SMIM27: variants seen among roughly 807,000 people sequenced by gnomAD.
SMIM27 encodes the protein transition zone microprotein 1.
Under a neutral mutation model 1.8 loss-of-function variants are expected in SMIM27, and 3 were observed. That is an observed-to-expected ratio of 1.65 (90% CI 0.75 to 4.28). The LOEUF (loss-of-function observed/expected upper bound fraction) is 4.28, where lower values mean the gene tolerates loss of function less well. Among genes scored for constraint, SMIM27 ranks in the 30% most tolerant of loss-of-function variants. SMIM27 has a pLI of 0.02. For synonymous variants in SMIM27, 19 were observed against 13.9 expected, an observed-to-expected ratio of 1.37 and a Z score of -0.82; for missense variants, 63 against 37.0, an observed-to-expected ratio of 1.70 and a Z score of -1.83.
At chr9:32,566,130 G>T in intron 1 of SMIM27, 1 of 599,850 alleles carries the variant, frequency 1.7e-6, no homozygotes, top group East Asian at 2.6e-5. Flanking sequence ...ACAAAGACGA[G>T]AATATGGTGT....
chr9:32,555,923 C>A (rs573504543), downstream of SMIM27, among the ~76,000 whole-genome samples: 37 of 152,334 alleles, frequency 2.4e-4, no homozygotes, highest in African/African-American at 7.9e-4. Context: ...TTGCCAAGAA[C>A]CAGTGACTAC....
rs549018220 is a variant in SMIM27, at chr9:32,563,421, T to C, written c.46-2970T>C. On this transcript the variant is annotated intron_variant, in intron 1 of 1. Transcript: ENST00000451672. ...CAGTGGGCAGCACAATCATAGCTCA[T>C]TGCAGGCTCCACATCCTGGGCTCAA... 9.9e-5 allele frequency among the ~76,000 whole-genome samples: 15 copies of C among 151,320 alleles called. No individual in the cohort carries two copies. In the South Asian group the frequency reaches 2.5e-3, roughly 25 times the overall value.
chr9:32,553,945 C>A (rs113167815), downstream of SMIM27: 1 of 1,580,154 alleles, frequency 6.3e-7, no homozygotes, highest in Non-Finnish European at 8.7e-7. Context: ...TTGTATCACC[C>A]TAGGAAAACA....
At chr9:32,565,976 A>AAAAC (rs919018869) in intron 1 of SMIM27, among the ~76,000 whole-genome samples, 4 of 152,184 alleles carry the variant, frequency 2.6e-5, no homozygotes, top group South Asian at 4.1e-4. Context: ...CCACCTACAA[A>AAAAC]AAACAAACAA....
In SMIM27 at chr9:32,566,457, G is replaced by A; in HGVS notation, c.*4G>A. 11 of 813,378 alleles carry A rather than the reference G, an allele frequency of 1.4e-5. No homozygotes were observed. The South Asian group carries it at 1.5e-4, about 11-fold the overall frequency. The allele number at this position is 813,378 out of a possible 1,614,324, so 50.4% of individuals were successfully genotyped here. ...AGGGGTTGATGGAGTATCTTGACAAGCAGCCGTCCATGTCGAAGGGACCCT... is the reference window on the plus strand; with the variant it reads ...AGGGGTTGATGGAGTATCTTGACAAACAGCCGTCCATGTCGAAGGGACCCT... On this transcript the variant is annotated 3_prime_UTR_variant, in exon 2 of 2. Coordinates refer to the SMIM27 transcript ENST00000451672.
In SMIM27 at chr9:32,560,409, GTAGTTAAATT is replaced by G. The variant is rs1425441976; in HGVS notation, c.46-5978_46-5969del. ...AATGTCTTTTCGATCCCAGAAAAAT[GTAGTTAAATT>G]TAGATATGATAAAGTAAGTTAAACC... is the stretch of plus-strand genomic sequence containing the variant. On this transcript the variant is annotated intron_variant, in intron 1 of 1. Coordinates refer to the SMIM27 transcript ENST00000451672. Among the ~76,000 whole-genome samples the G allele has an allele frequency of 3.3e-5, 5 of 152,270 alleles. No individual in the cohort carries two copies. The East Asian group carries it at 9.6e-4, about 29-fold the overall frequency.
At chr9:32,552,113 A>G (rs2118985820), upstream of SMIM27, 1 of 560,652 alleles carries the variant, frequency 1.8e-6, no homozygotes, top group Non-Finnish European at 3.2e-6. Flanking sequence ...CTTATCCTGC[A>G]TTAATATTGC....
At chr9:32,564,436 C>A (rs1434810261) in intron 1 of SMIM27, among the ~76,000 whole-genome samples, 1 of 151,732 alleles carries the variant, frequency 6.6e-6, no homozygotes, top group African/African-American at 2.4e-5. Flanking sequence ...CTATCAGTGC[C>A]ATTTTTCTTT....
At chr9:32,555,311 C>T (rs774566657), downstream of SMIM27, among the ~76,000 whole-genome samples, 2 of 152,152 alleles carry the variant, frequency 1.3e-5, no homozygotes, top group African/African-American at 2.4e-5. Context: ...AATTCCTAAA[C>T]AATAAGTTAA....
downstream of SMIM27, chr9:32,554,017 T>TCTG: frequency 2.1e-6 from 2 of 947,286 alleles, no homozygotes; most frequent in Non-Finnish European, 3.3e-6. Context: ...CTGTTCTATG[T>TCTG]TCATCAGATC....
At chr9:32,557,779 TC>T (rs372720711), downstream of SMIM27, among the ~76,000 whole-genome samples, 38 of 152,096 alleles carry the variant, frequency 2.5e-4, no homozygotes, top group African/African-American at 8.9e-4. Context: ...GCCTGGCCCC[TC>T]CCCCAACTAT....
At chr9:32,552,236 G>A (rs775821908), upstream of SMIM27, 2 of 687,002 alleles carry the variant, frequency 2.9e-6, no homozygotes, top group South Asian at 3.5e-5. Context: ...TCTAAAAGGC[G>A]GGCAAGGCCC....
downstream of SMIM27, among the ~76,000 whole-genome samples, chr9:32,554,513 C>T (rs1284681058): frequency 6.6e-6 from 1 of 152,142 alleles, no homozygotes; most frequent in Non-Finnish European, 1.5e-5. Context: ...AGTTTTAAGA[C>T]AGATTATTCA....
intron 1 of SMIM27, chr9:32,565,247 C>G (rs7874777): frequency 0.19 from 28,374 of 151,576 alleles, 2,996 homozygotes; most frequent in Non-Finnish European, 0.25. Flanking sequence ...GAGCCGAGAT[C>G]GCGCCACTGC....
intron 1 of SMIM27, 43 bp downstream of exon 1, chr9:32,552,522 GGGCCCGCAGGCGGAAA>G: frequency 6.5e-7 from 1 of 1,549,026 alleles, no homozygotes; most frequent in Non-Finnish European, 8.8e-7. Context: ...TCGACTCACT[GGGCCCGCAGGCGGAAA>G]GGCCCTATTT....
chr9:32,566,661 T>A lies in SMIM27; in HGVS notation c.*208T>A, dbSNP rs1436289524. 3.7e-5 allele frequency: 30 copies of A among 806,030 alleles called. No homozygotes were observed. In the Admixed American group the frequency reaches 5.1e-4, roughly 14 times the overall value. 49.9% of individuals were successfully genotyped at this position (806,030 alleles called of 1,614,324 possible). A position where few individuals can be genotyped will look rare whatever the true frequency, so the allele number is the denominator to read the frequency against. Reference sequence around the variant, plus strand: ...GGAGCAGGAGCTCACCTCTCTCAGGTAACTCCGGATCCGGCTTTCACAGCT... The same window carrying A: ...GGAGCAGGAGCTCACCTCTCTCAGGAAACTCCGGATCCGGCTTTCACAGCT... On this transcript the variant is annotated 3_prime_UTR_variant, in exon 2 of 2. Coordinates refer to the SMIM27 transcript ENST00000451672.
intron 1 of SMIM27, among the ~76,000 whole-genome samples, chr9:32,564,725 T>C (rs984117835): frequency 6.6e-6 from 1 of 152,178 alleles, no homozygotes; most frequent in Non-Finnish European, 1.5e-5. Flanking sequence ...CTCCATATTA[T>C]CTGAGATGAT....
intron 1 of SMIM27, among the ~76,000 whole-genome samples, chr9:32,561,227 GAACT>G (rs1821615622): frequency 6.6e-6 from 1 of 151,916 alleles, no homozygotes; most frequent in African/African-American, 2.4e-5. Context: ...ATTCCTCTTA[GAACT>G]AACAATCTCA....
intron 1 of SMIM27, among the ~76,000 whole-genome samples, chr9:32,564,574 G>T (rs1821724313): frequency 6.6e-6 from 1 of 151,886 alleles, no homozygotes; most frequent in African/African-American, 2.4e-5. Context: ...AAAAATTCAA[G>T]TATCATAAAA....
Sources: allele counts gnomAD v4.1 joint callset (sites outside exome capture counted in the v4.1 genomes callset), GRCh38; gene constraint gnomAD v4.1.1; transcripts MANE v1.5; gene names NCBI Gene and HGNC (gene_info 2026-07-23, HGNC 2026-07-21).